Variants in KCNQ3 observed in about 807,000 individuals in gnomAD.
The protein encoded by KCNQ3 is potassium voltage-gated channel subfamily Q member 3, also known as potassium voltage-gated channel subfamily KQT member 3.
Under a neutral mutation model 92.5 loss-of-function variants are expected in KCNQ3, and 30 were observed. The observed-to-expected ratio is 0.32, with a 90% CI of 0.24 to 0.44. The LOEUF (loss-of-function observed/expected upper bound fraction) is 0.44, where lower values mean the gene tolerates loss of function less well. Ranked by LOEUF, KCNQ3 falls within the 20% of genes least tolerant of loss-of-function variation. The probability of loss-of-function intolerance (pLI) is 1.00; values close to 1 mark genes in which losing one functional copy is unlikely to be tolerated. For missense variants in KCNQ3, 913 were observed against 1,140.3 expected, an observed-to-expected ratio of 0.80 and a Z score of 2.87; for synonymous variants, 450 against 468.8, an observed-to-expected ratio of 0.96 and a Z score of 0.52.
At position 132,342,593 on chromosome 8, in the gene KCNQ3, C is replaced by T. The variant is rs577615738; in HGVS notation, c.386+137554G>A. On this transcript the variant is annotated intron_variant, in intron 1 of 14. Coordinates refer to ENST00000388996, the MANE Select transcript of KCNQ3 (RefSeq NM_004519.4). ...CTGATAAATTATCATCCCTACTCAG[C>T]GTCAGCTAGCAGAAGCAGTAGTTGC... Among the ~76,000 whole-genome samples the T allele has an allele frequency of 2.0e-5, 3 of 152,332 alleles. No individual in the cohort carries two copies. The East Asian group carries it at 5.8e-4, about 29-fold the overall frequency.
At chr8:132,198,463 C>T (rs773301224) in intron 1 of KCNQ3, among the ~76,000 whole-genome samples, 11 of 152,196 alleles carry the variant, frequency 7.2e-5, no homozygotes, top group African/African-American at 1.9e-4. Context: ...CGCTTAGCAA[C>T]GTGATGATAT....
intron 1 of KCNQ3, among the ~76,000 whole-genome samples, chr8:132,256,129 A>T (rs796684556): frequency 1.4e-4 from 22 of 152,262 alleles, no homozygotes; most frequent in African/African-American, 5.1e-4. Context: ...AACTAAAGAA[A>T]ATATGAAAAC....
intron 1 of KCNQ3, among the ~76,000 whole-genome samples, chr8:132,238,336 T>C (rs892004004): frequency 6.6e-6 from 1 of 152,048 alleles, no homozygotes; most frequent in Non-Finnish European, 1.5e-5. Context: ...AAAACTCTGC[T>C]CTATACAGAT....
At chr8:132,380,916 A>G (rs1345724612) in intron 1 of KCNQ3, among the ~76,000 whole-genome samples, 1 of 147,022 alleles carries the variant, frequency 6.8e-6, no homozygotes, top group Non-Finnish European at 1.5e-5. Context: ...TTCTACAGAA[A>G]AAGAAATGAA....
At chr8:132,306,863 A>C (rs1034664507) in intron 1 of KCNQ3, among the ~76,000 whole-genome samples, 7 of 152,160 alleles carry the variant, frequency 4.6e-5, no homozygotes, top group African/African-American at 1.7e-4. Context: ...ATTTTTTTAT[A>C]TCTTAAGTTG....
At chr8:132,317,348 T>A (rs1817772652) in intron 1 of KCNQ3, among the ~76,000 whole-genome samples, 1 of 152,118 alleles carries the variant, frequency 6.6e-6, no homozygotes. Flanking sequence ...TCAATTTTCA[T>A]GCAGAATTTT....
At chr8:132,340,976 A>G (rs1228170898) in intron 1 of KCNQ3, among the ~76,000 whole-genome samples, 2 of 152,222 alleles carry the variant, frequency 1.3e-5, no homozygotes, top group Non-Finnish European at 2.9e-5. Context: ...AATGAATTGC[A>G]GCTAAATCAC....
At chr8:132,264,501 TCAA>T (rs1299935717) in intron 1 of KCNQ3, among the ~76,000 whole-genome samples, 2 of 152,154 alleles carry the variant, frequency 1.3e-5, no homozygotes, top group African/African-American at 4.8e-5. Flanking sequence ...ATTGGGAGAA[TCAA>T]CAGGAAGAAA....
intron 1 of KCNQ3, among the ~76,000 whole-genome samples, chr8:132,220,936 A>T (rs1814206444): frequency 6.6e-6 from 1 of 151,952 alleles, no homozygotes; most frequent in Admixed American, 6.6e-5. Context: ...CATTTACATT[A>T]GGTATTTCTT....
intron 1 of KCNQ3, among the ~76,000 whole-genome samples, chr8:132,202,141 G>A (rs1257811618): frequency 1.3e-5 from 2 of 152,190 alleles, no homozygotes; most frequent in East Asian, 3.9e-4. Context: ...ACTTTGGGGA[G>A]CAGAGACCTA....
At chr8:132,442,242 A>C (rs548074541) in intron 1 of KCNQ3, among the ~76,000 whole-genome samples, 1 of 152,296 alleles carries the variant, frequency 6.6e-6, no homozygotes, top group East Asian at 1.9e-4. Context: ...AGTTTAAAAA[A>C]AGAAAGTAAA....
intron 1 of KCNQ3, among the ~76,000 whole-genome samples, chr8:132,254,130 C>T (rs139080941): frequency 5.3e-4 from 81 of 152,278 alleles, no homozygotes; most frequent in Admixed American, 3.7e-3. Flanking sequence ...TACCCTAGAC[C>T]GACTGATTTC....
At chr8:132,154,201 T>G (rs1414239860) in intron 9 of KCNQ3, among the ~76,000 whole-genome samples, 3 of 124,854 alleles carry the variant, frequency 2.4e-5, no homozygotes, top group South Asian at 2.7e-4. Flanking sequence ...AAGTTTTTTT[T>G]TTTTTTTTTT....
At chr8:132,432,461 A>G (rs907628418) in intron 1 of KCNQ3, among the ~76,000 whole-genome samples, 1 of 152,358 alleles carries the variant, frequency 6.6e-6, no homozygotes, top group South Asian at 2.1e-4. Context: ...TAAATACATT[A>G]AAGTTGAACA....
At chr8:132,433,435 G>A (rs549012939) in intron 1 of KCNQ3, among the ~76,000 whole-genome samples, 17 of 152,190 alleles carry the variant, frequency 1.1e-4, no homozygotes, top group African/African-American at 2.7e-4. Context: ...ATCTCTGACC[G>A]CAGACACAGC....
intron 1 of KCNQ3, among the ~76,000 whole-genome samples, chr8:132,423,347 C>A (rs142325509): frequency 6.6e-6 from 1 of 152,214 alleles, no homozygotes; most frequent in Non-Finnish European, 1.5e-5. Flanking sequence ...ATTCTAGCAA[C>A]CTCTCTTCCT....
chr8:132,164,909 T>A (rs1826098125), intron 8 of KCNQ3, among the ~76,000 whole-genome samples: 2 of 152,048 alleles, frequency 1.3e-5, no homozygotes, highest in Non-Finnish European at 2.9e-5. Flanking sequence ...CTACCCATGG[T>A]CTCACCATCT....
intron 1 of KCNQ3, among the ~76,000 whole-genome samples, chr8:132,464,226 C>A (rs1033744544): frequency 1.3e-5 from 2 of 152,198 alleles, no homozygotes; most frequent in Admixed American, 1.3e-4. Flanking sequence ...ACCATGTGCA[C>A]AGACATGTTC....
intron 1 of KCNQ3, among the ~76,000 whole-genome samples, chr8:132,362,405 T>G (rs1384598286): frequency 6.6e-6 from 1 of 152,198 alleles, no homozygotes; most frequent in Non-Finnish European, 1.5e-5. Flanking sequence ...AGTGCCACAT[T>G]GCCAAGTCAT....
Sources: allele counts gnomAD v4.1 joint callset (sites outside exome capture counted in the v4.1 genomes callset), GRCh38; gene constraint gnomAD v4.1.1; transcripts MANE v1.5; gene names NCBI Gene and HGNC (gene_info 2026-07-23, HGNC 2026-07-21).